Variants in MTHFD2L observed in about 807,000 individuals in gnomAD.
MTHFD2L encodes bifunctional methylenetetrahydrofolate dehydrogenase/cyclohydrolase 2, mitochondrial.
Under a neutral mutation model 34.9 loss-of-function variants are expected in MTHFD2L, and 29 were observed. That is an observed-to-expected ratio of 0.83 (90% CI 0.62 to 1.13). The LOEUF is 1.13. Among genes scored for constraint, MTHFD2L ranks in the 50% most tolerant of loss-of-function variants. The pLI, the probability that MTHFD2L is intolerant of heterozygous loss-of-function variation, is 0.00. For missense variants in MTHFD2L, 481 were observed against 446.5 expected (o/e 1.08, Z -0.70); for synonymous variants, 167 against 155.7 (o/e 1.07, Z -0.54).
intron 7 of MTHFD2L, among the ~76,000 whole-genome samples, chr4:74,297,550 T>C (rs1189371744): frequency 6.6e-6 from 1 of 151,836 alleles, no homozygotes; most frequent in Non-Finnish European, 1.5e-5. Context: ...TGCTTCTGTA[T>C]TTCTCTTTAA....
intron 1 of MTHFD2L, among the ~76,000 whole-genome samples, chr4:74,169,685 T>C (rs1727490662): frequency 6.6e-6 from 1 of 152,210 alleles, no homozygotes; most frequent in Non-Finnish European, 1.5e-5. Context: ...CTGGAATTTG[T>C]TGCTGTATCT....
intron 7 of MTHFD2L, among the ~76,000 whole-genome samples, chr4:74,295,241 G>A (rs1264153942): frequency 6.6e-6 from 1 of 151,912 alleles, no homozygotes; most frequent in Non-Finnish European, 1.5e-5. Flanking sequence ...TGGTCATAAT[G>A]AAGTCATTTC....
At chr4:74,230,065 A>T (rs2110135671) in intron 6 of MTHFD2L, among the ~76,000 whole-genome samples, 1 of 152,320 alleles carries the variant, frequency 6.6e-6, no homozygotes, top group East Asian at 1.9e-4. Flanking sequence ...AACTTTTTCA[A>T]ATTGATACAT....
chr4:74,158,891 A>G (rs914872574), intron 1 of MTHFD2L, among the ~76,000 whole-genome samples: 7 of 151,956 alleles, frequency 4.6e-5, no homozygotes, highest in Non-Finnish European at 1.0e-4. Flanking sequence ...CAGGGTACGC[A>G]CTCTTCTATC....
At chr4:74,238,818 C>T (rs185864722) in intron 6 of MTHFD2L, among the ~76,000 whole-genome samples, 36 of 152,164 alleles carry the variant, frequency 2.4e-4, no homozygotes, top group Non-Finnish European at 2.9e-4. Flanking sequence ...GAATGGCGAT[C>T]GTTAAAAAGT....
At chr4:74,182,086 T>C (rs1730283881) in intron 3 of MTHFD2L, among the ~76,000 whole-genome samples, 1 of 152,212 alleles carries the variant, frequency 6.6e-6, no homozygotes, top group African/African-American at 2.4e-5. Flanking sequence ...TTCAAGATGG[T>C]TTCTAAATTT....
chr4:74,228,697 T>A (rs1313660287), intron 6 of MTHFD2L, among the ~76,000 whole-genome samples: 2 of 151,882 alleles, frequency 1.3e-5, no homozygotes, highest in African/African-American at 4.8e-5. Context: ...AAGGCCTAAA[T>A]CAGCCTTGAG....
At chr4:74,133,440 T>A (rs929387954) in intron 1 of MTHFD2L, among the ~76,000 whole-genome samples, 2 of 152,184 alleles carry the variant, frequency 1.3e-5, no homozygotes, top group Non-Finnish European at 2.9e-5. Context: ...TAAACACCAA[T>A]AATTTTTAGA....
chr4:74,158,234 G>T lies in MTHFD2L; in HGVS notation c.96G>T (p.Pro32=). The change falls in exon 1 of 8, where the codon CCG becomes CCT. Residue 32 remains proline (P), a synonymous_variant. Transcript: ENST00000325278. The part of the protein sequence containing the change: ...GRSTAPSVRA[P]GEPGSAFRGF... Reference sequence around the variant, plus strand: ...GCACAGCACCCTCCGTAAGGGCACCGGGAGAGCCCGGGAGTGCGTTCCGGG... The same window carrying T: ...GCACAGCACCCTCCGTAAGGGCACCTGGAGAGCCCGGGAGTGCGTTCCGGG... 6.7e-7 allele frequency: 1 copy of T among 1,481,810 alleles called. No individual in the cohort carries two copies. The allele number at this position is 1,481,810 out of a possible 1,614,324, so 91.8% of individuals were successfully genotyped here.
intron 3 of MTHFD2L, among the ~76,000 whole-genome samples, chr4:74,185,405 T>G (rs897681623): frequency 2.0e-5 from 3 of 151,990 alleles, no homozygotes; most frequent in Admixed American, 1.3e-4. Flanking sequence ...AATCTCATCT[T>G]ATACTTTAAG....
At chr4:74,243,705 C>G (rs1225714911) in intron 6 of MTHFD2L, among the ~76,000 whole-genome samples, 1 of 152,030 alleles carries the variant, frequency 6.6e-6, no homozygotes, top group Non-Finnish European at 1.5e-5. Flanking sequence ...CCTTACATCA[C>G]AAGTATATCA....
At chr4:74,191,675 C>G (rs547635701) in intron 3 of MTHFD2L, among the ~76,000 whole-genome samples, 1 of 151,960 alleles carries the variant, frequency 6.6e-6, no homozygotes, top group Admixed American at 6.6e-5. Context: ...CTCAGCCTCC[C>G]GAGTAGCTGG....
chr4:74,252,211 C>CA (rs1743413776), intron 6 of MTHFD2L, among the ~76,000 whole-genome samples: 1 of 152,214 alleles, frequency 6.6e-6, no homozygotes, highest in Non-Finnish European at 1.5e-5. Flanking sequence ...TAAAGCTAAG[C>CA]AAGAACAAGT....
chr4:74,234,031 T>A (rs1740485613), intron 6 of MTHFD2L, among the ~76,000 whole-genome samples: 1 of 152,040 alleles, frequency 6.6e-6, no homozygotes, highest in Non-Finnish European at 1.5e-5. Context: ...ATATCAAAGA[T>A]CTTTCTTCAC....
intron 1 of MTHFD2L, among the ~76,000 whole-genome samples, chr4:74,146,669 A>G (rs491641): frequency 0.49 from 75,265 of 152,078 alleles, 20,088 homozygotes; most frequent in East Asian, 0.74. Flanking sequence ...ATATTCCTAT[A>G]TCTGGATATT....
At chr4:74,158,008 T>G (rs756826293), upstream of MTHFD2L, 3 of 1,377,788 alleles carry the variant, frequency 2.2e-6, no homozygotes, top group South Asian at 3.7e-5. Flanking sequence ...TCTGCGTGTC[T>G]GCCGGAACCT....
At chr4:74,257,091 A>G (rs1344084775) in intron 6 of MTHFD2L, among the ~76,000 whole-genome samples, 1 of 152,168 alleles carries the variant, frequency 6.6e-6, no homozygotes, top group Non-Finnish European at 1.5e-5. Context: ...CCAATCCATG[A>G]GCACAGAACT....
chr4:74,189,799 A>G (rs1271831882), intron 3 of MTHFD2L, among the ~76,000 whole-genome samples: 1 of 151,860 alleles, frequency 6.6e-6, no homozygotes, highest in African/African-American at 2.4e-5. Flanking sequence ...TTTCTTTACC[A>G]TTATATCCTC....
chr4:74,190,506 C>G (rs1024011654), intron 3 of MTHFD2L: 1 of 985,202 alleles, frequency 1.0e-6, no homozygotes, highest in Admixed American at 6.2e-5. Context: ...CACCTTTTTC[C>G]GGCCTAGAGA....
Sources: allele counts gnomAD v4.1 joint callset (sites outside exome capture counted in the v4.1 genomes callset), GRCh38; gene constraint gnomAD v4.1.1; transcripts MANE v1.5; gene names NCBI Gene and HGNC (gene_info 2026-07-23, HGNC 2026-07-21).